ARL16: variants seen among roughly 807,000 people sequenced by gnomAD.
The protein encoded by ARL16 is ADP-ribosylation factor-like protein 16.
In ARL16, 21 loss-of-function variants were observed where a neutral mutation model predicts 14.1. The ratio of observed to expected loss-of-function variants is 1.48; its 90% CI spans 1.05 to 2.14. ARL16 has a LOEUF of 2.14. Among genes scored for constraint, ARL16 ranks in the 30% most tolerant of loss-of-function variants. ARL16 has a pLI of 0.00. For missense variants in ARL16, 248 were observed against 222.0 expected, an observed-to-expected ratio of 1.12 and a Z score of -0.74; for synonymous variants, 122 against 91.8, an observed-to-expected ratio of 1.33 and a Z score of -1.88.
rs761894528 is a variant in ARL16 at position 81,683,607 on chromosome 17, C to T, written c.62-13G>A. 6.3e-7 allele frequency: 1 copy of T among 1,599,388 alleles called. No individual in the cohort carries two copies. Among genetic ancestry groups the T allele is most frequent in the Non-Finnish European group, 8.5e-7 (1 of 1,175,470 alleles). On this transcript the variant is annotated splice_polypyrimidine_tract_variant and intron_variant, in intron 1 of 4. Transcript: ENST00000622299. ...CGGGAGCTCACCTGTGCGAAGCGGT[C>T]AAGGACCCGAGCAGCTAAAGGGTGA...
chr17:81,683,125 A>G lies in ARL16; in HGVS notation c.122T>C (p.Val41Ala), dbSNP rs141445294. The G allele has an allele frequency of 6.2e-7, 1 of 1,604,290 alleles. No homozygotes were observed. The highest frequency in any genetic ancestry group is 8.5e-7 in the Non-Finnish European group (1 of 1,176,710). The change falls in exon 3 of 5, where the codon GTG becomes GCG. Residue 41 changes from valine (V) to alanine (A), a missense_variant and splice_region_variant. Coordinates refer to ENST00000622299, the MANE Select transcript of ARL16 (RefSeq NM_001040025.3). ...CACGATGTCAGTAAGATTGGTGCCCACCTATAGGAAAAACCACGATGCAAA... is the reference window on the plus strand; with the variant it reads ...CACGATGTCAGTAAGATTGGTGCCCGCCTATAGGAAAAACCACGATGCAAA... ...LGEPPPTRPT[V>A]GTNLTDIVAQ...
At position 81,683,614 on chromosome 17, in the gene ARL16, C is replaced by T. The variant is rs756400382; in HGVS notation, c.62-20G>A. The T allele has an allele frequency of 2.9e-5, 46 of 1,597,122 alleles. No individual in the cohort carries two copies. The highest frequency in any genetic ancestry group is 3.8e-5 in the Non-Finnish European group (45 of 1,174,722). On this transcript the variant is annotated intron_variant, in intron 1 of 4. Transcript: ENST00000622299. Reference sequence around the variant, plus strand: ...TCACCTGTGCGAAGCGGTCAAGGACCCGAGCAGCTAAAGGGTGAGTCCCCG... The same window carrying T: ...TCACCTGTGCGAAGCGGTCAAGGACTCGAGCAGCTAAAGGGTGAGTCCCCG...
chr17:81,682,808 T>C (rs1297364094), intron 3 of ARL16: 5 of 585,402 alleles, frequency 8.5e-6, no homozygotes, highest in African/African-American at 7.5e-5. Context: ...CTCTGTGAGC[T>C]CCTACCGGGG....
At chr17:81,683,249 G>T in intron 2 of ARL16, 123 bp from the exon 3 acceptor site, 2 of 979,382 alleles carry the variant, frequency 2.0e-6, no homozygotes, top group Non-Finnish European at 1.5e-6. Flanking sequence ...TCTCCCTAAC[G>T]CAGGAACGGC....
In ARL16 at chr17:81,683,611, G is replaced by A. The variant is rs878938226; in HGVS notation, c.62-17C>T. ...AGCTCACCTGTGCGAAGCGGTCAAGGACCCGAGCAGCTAAAGGGTGAGTCC... is the reference window on the plus strand; with the variant it reads ...AGCTCACCTGTGCGAAGCGGTCAAGAACCCGAGCAGCTAAAGGGTGAGTCC... On this transcript the variant is annotated splice_polypyrimidine_tract_variant and intron_variant, in intron 1 of 4. Transcript: ENST00000622299. The A allele has an allele frequency of 5.0e-6, 8 of 1,597,912 alleles. No homozygotes were observed. The highest frequency in any genetic ancestry group is 2.2e-5 in the South Asian group (2 of 89,534).
At chr17:81,683,165 C>G in intron 2 of ARL16, 39 bp from the exon 3 acceptor site, 4 of 1,561,184 alleles carry the variant, frequency 2.6e-6, no homozygotes, top group Non-Finnish European at 3.5e-6. Flanking sequence ...ACAATACAAC[C>G]GCTGTCCCGT....
At chr17:81,682,791 G>A in intron 3 of ARL16, 2 of 577,756 alleles carry the variant, frequency 3.5e-6, no homozygotes, top group Non-Finnish European at 6.1e-6. Context: ...CCTGCCCTCA[G>A]CAAGCCCTCT....
chr17:81,682,634 A>C (rs1457046957), intron 3 of ARL16: 1 of 231,696 alleles, frequency 4.3e-6, no homozygotes. Context: ...CTCTGTCCTC[A>C]TGTGGCCATC....
rs2036844287 is a variant in ARL16 at position 81,681,550 on chromosome 17, G to C, written c.*158C>G. Reference sequence around the variant, plus strand: ...CAGATGTCAACTTCCATCTCCACATGCCTCAGTTTACACATCATTGCATCT... The same window carrying C: ...CAGATGTCAACTTCCATCTCCACATCCCTCAGTTTACACATCATTGCATCT... On this transcript the variant is annotated 3_prime_UTR_variant, in exon 5 of 5. Transcript: ENST00000622299. 1.1e-6 allele frequency: 1 copy of C among 900,302 alleles called. No individual in the cohort carries two copies. The highest frequency in any genetic ancestry group is 1.7e-5 in the African/African-American group (1 of 58,560). The allele number at this position is 900,302 out of a possible 1,614,324, so 55.8% of individuals were successfully genotyped here. A position where few individuals can be genotyped will look rare whatever the true frequency, so the allele number is the denominator to read the frequency against.
Position 81,683,719 on chromosome 17 carries a change from T to A in ARL16, c.35A>T (p.Lys12Met). 1 of 1,607,562 alleles carries A rather than the reference T, an allele frequency of 6.2e-7. No homozygotes were observed. The highest frequency in any genetic ancestry group is 1.3e-5 in the African/African-American group (1 of 74,982). Residue 12 changes from lysine (K) to methionine (M), a missense_variant, in exon 1 of 5, where the codon AAG becomes ATG. By Grantham distance (95) the Lys-to-Met change is moderately conservative (BLOSUM62 -1). Coordinates refer to ENST00000622299, the MANE Select transcript of ARL16 (RefSeq NM_001040025.3). ...CLLLGATGVG[K>M]TLLVKRLQEV... ...CTGCAGCCGTTTCACCAGCAGCGTC[T>A]TCCCGACGCCCGTGGCCCCCAGCAG...
At chr17:81,682,859 G>A in intron 3 of ARL16, 154 bp downstream of exon 3, 1 of 683,966 alleles carries the variant, frequency 1.5e-6, no homozygotes, top group East Asian at 2.8e-5. Flanking sequence ...AGGGTGCCCA[G>A]CAGGAAGCAA....
At position 81,681,600 on chromosome 17, in the gene ARL16, G is replaced by T; in HGVS notation, c.*108C>A. On this transcript the variant is annotated 3_prime_UTR_variant, in exon 5 of 5. Transcript: ENST00000622299. ...TCAGCACAGAGCCCCATCATGTAGG[G>T]TTACTTTGGGTTATTCTGCCCCTGT... is the stretch of plus-strand genomic sequence containing the variant. 2 of 1,264,354 alleles carry T rather than the reference G, an allele frequency of 1.6e-6. No individual in the cohort carries two copies. The highest frequency in any genetic ancestry group is 2.1e-6 in the Non-Finnish European group (2 of 939,524). The allele number at this position is 1,264,354 out of a possible 1,614,324, so 78.3% of individuals were successfully genotyped here. A position where few individuals can be genotyped will look rare whatever the true frequency, so the allele number is the denominator to read the frequency against.
chr17:81,682,091 C>T lies in ARL16; in HGVS notation c.293G>A (p.Gly98Asp). ...TGCAAGTTGTTCTGCAGAAAGGAGA[C>T]CTAAGAGCTGCACACAGGATGCAGA... is the stretch of plus-strand genomic sequence containing the variant. ...QLSASCVQLL[G>D]LLSAEQLAEA... Residue 98 changes from glycine (G) to aspartate (D), a missense_variant, in exon 4 of 5, where the codon GGT (glycine) becomes GAT (aspartate). By Grantham distance (94) the Gly-to-Asp change is moderately conservative (BLOSUM62 -1). Coordinates refer to ENST00000622299, the MANE Select transcript of ARL16 (RefSeq NM_001040025.3). The T allele has an allele frequency of 2.5e-6, 4 of 1,613,242 alleles. No individual in the cohort carries two copies. The highest frequency in any genetic ancestry group is 3.4e-6 in the Non-Finnish European group (4 of 1,179,722).
intron 2 of ARL16, 154 bp from the exon 3 acceptor site, chr17:81,683,280 C>T (rs1423577135): frequency 1.4e-5 from 12 of 837,908 alleles, no homozygotes; most frequent in Non-Finnish European, 2.2e-5. Flanking sequence ...CGACGCCCAT[C>T]AGTAGCTGGA....
chr17:81,682,785 C>T (rs2036875677), intron 3 of ARL16: 2 of 572,306 alleles, frequency 3.5e-6, no homozygotes, highest in South Asian at 4.1e-5. Context: ...AGCAGCCCTG[C>T]CCTCAGCAAG....
chr17:81,681,650 C>T lies in ARL16; in HGVS notation c.*58G>A. ...TGAGAAGAAACTATTGGCAGCAAAG[C>T]CATACTGCCCTCTGCCACCTCTCCC... is the stretch of plus-strand genomic sequence containing the variant. On this transcript the variant is annotated 3_prime_UTR_variant, in exon 5 of 5. Coordinates refer to ENST00000622299, the MANE Select transcript of ARL16 (RefSeq NM_001040025.3). 6.7e-7 allele frequency: 1 copy of T among 1,493,690 alleles called. No individual in the cohort carries two copies. The highest frequency in any genetic ancestry group is 8.9e-7 in the Non-Finnish European group (1 of 1,121,372). The allele number at this position is 1,493,690 out of a possible 1,614,324, so 92.5% of individuals were successfully genotyped here. A position where few individuals can be genotyped will look rare whatever the true frequency, so the allele number is the denominator to read the frequency against.
In ARL16 at chr17:81,681,724, T is replaced by C; in HGVS notation, c.506A>G (p.His169Arg). Residue 169 changes from histidine (H) to arginine (R), a missense_variant, in exon 5 of 5, where the codon CAC (histidine) becomes CGC (arginine). Coordinates refer to ENST00000622299, the MANE Select transcript of ARL16 (RefSeq NM_001040025.3). The stretch of plus-strand genomic sequence containing the variant: ...GCCGTGCAGTCAATCGTTGGCTCTG[T>C]GGGTGGCCTGGAGCCAGGCCAGCAC... ...AGVLAWLQATHRAND is the reference protein window; with the variant it reads ...AGVLAWLQATRRAND 6.2e-7 allele frequency: 1 copy of C among 1,605,680 alleles called. No individual in the cohort carries two copies.
In ARL16 at chr17:81,683,507, CAACTCCACCCGCGGGGGCG is replaced by C. The variant is rs1318013347; in HGVS notation, c.120+10_120+28del. The stretch of plus-strand genomic sequence containing the variant: ...CGCCAAGCGCAGAACTGACCCCCCG[CAACTCCACCCGCGGGGGCG>C]GACACCTACCGTGGGCCGTGTCGGG... On this transcript the variant is annotated intron_variant, in intron 2 of 4. Transcript: ENST00000622299. 1 of 1,539,480 alleles carries C rather than the reference CAACTCCACCCGCGGGGGCG, an allele frequency of 6.5e-7. No individual in the cohort carries two copies. Among genetic ancestry groups the C allele is most frequent in the South Asian group, 1.3e-5 (1 of 79,150 alleles).
chr17:81,681,803 G>T lies in ARL16; in HGVS notation c.427C>A (p.Gln143Lys), dbSNP rs2036850129. Reference sequence around the variant, plus strand: ...CTGATTTCTGCCGTGGTGATGTTCTGCTTGGCACAAGCAATGATGTCTGGA... The same window carrying T: ...CTGATTTCTGCCGTGGTGATGTTCTTCTTGGCACAAGCAATGATGTCTGGA... The part of the protein sequence containing the change: ...RLPDIIACAK[Q>K]NITTAEISAR... The change falls in exon 5 of 5, where the codon CAG (glutamine) becomes AAG (lysine). Residue 143 changes from glutamine to lysine, a missense_variant. By Grantham distance (53) the Gln-to-Lys change is moderately conservative. Transcript: ENST00000622299. 1 of 1,612,772 alleles carries T rather than the reference G, an allele frequency of 6.2e-7. No homozygotes were observed. The highest frequency in any genetic ancestry group is 1.3e-5 in the African/African-American group (1 of 74,874).
Sources: gnomAD v4.1 joint callset for allele counts on GRCh38, gnomAD v4.1.1 for gene constraint, MANE v1.5 for transcripts, NCBI Gene and HGNC (gene_info 2026-07-23, HGNC 2026-07-21) for gene names.